FGB: variants seen among roughly 807,000 people sequenced by gnomAD.
FGB encodes beta-fibrinogen.
Under a neutral mutation model 57.9 loss-of-function variants are expected in FGB, and 25 were observed. That is an observed-to-expected ratio of 0.43 (90% CI 0.31 to 0.60). FGB has a LOEUF of 0.60. FGB is among the 20% of genes least tolerant of loss of function. The probability of loss-of-function intolerance (pLI) is 0.08; values close to 1 mark genes in which losing one functional copy is unlikely to be tolerated. For missense variants in FGB, 536 were observed against 598.4 expected, an observed-to-expected ratio of 0.90 and a Z score of 1.09; for synonymous variants, 203 against 199.2, an observed-to-expected ratio of 1.02 and a Z score of -0.16.
Position 154,563,054 on chromosome 4 carries a change from T to A in FGB, c.36T>A (p.Leu12=), listed in dbSNP as rs376146726. ...KRMVSWSFHK[L]KTMKHLLLLL... is the part of the protein sequence containing the mutation. The stretch of plus-strand genomic sequence containing the variant: ...TGGTTTCTTGGAGCTTCCACAAACT[T>A]AAAACCATGAAACATCTATTATTGC... The change falls in exon 1 of 8, where the codon CTT becomes CTA. Residue 12 remains leucine (L), a synonymous_variant. Coordinates refer to ENST00000302068, the MANE Select transcript of FGB (RefSeq NM_005141.5). 1.8e-5 allele frequency: 28 copies of A among 1,571,288 alleles called. No individual in the cohort carries two copies. The East Asian group carries it at 3.0e-4, about 17-fold the overall frequency.
chr4:154,567,380 T>C (rs1255208004), intron 3 of FGB, among the ~76,000 whole-genome samples: 1 of 152,212 alleles, frequency 6.6e-6, no homozygotes, highest in Non-Finnish European at 1.5e-5. Context: ...CGTATACCTA[T>C]GGTAAATTAC....
Position 154,569,799 on chromosome 4 carries a change from G to T in FGB, c.1244G>T (p.Trp415Leu), listed in dbSNP as rs1271695145. Residue 415 changes from tryptophan to leucine, a missense_variant and splice_region_variant, in exon 7 of 8, where the codon TGG becomes TTG. Coordinates refer to ENST00000302068, the MANE Select transcript of FGB (RefSeq NM_005141.5). ...FSTYDRDNDG[W>L]LTSDPRKQCS... ...ACGTATGACAGAGACAATGACGGCT[G>T]GTATGTGTGGCACTCTTTGCTCCTG... is the stretch of plus-strand genomic sequence containing the variant. 2 of 1,613,922 alleles carry T rather than the reference G, an allele frequency of 1.2e-6. No homozygotes were observed. The highest frequency in any genetic ancestry group is 1.6e-4 in the Middle Eastern group (1 of 6,082).
rs909640179 is a variant in FGB, at chr4:154,569,547, AG to A, written c.993del (p.Gln331HisfsTer11). On this transcript the variant is annotated frameshift_variant, in exon 7 of 8. Coordinates refer to ENST00000302068, the MANE Select transcript of FGB (RefSeq NM_005141.5). LOFTEE classifies it high-confidence loss of function. ...EYWLGNDKIS[Q>X]LTRMGPTELL... ...TGGCTTGGAAATGATAAAATTAGCC[AG>A]CTTACCAGGATGGGACCCACAGAAC... is the stretch of plus-strand genomic sequence containing the variant. The A allele has an allele frequency of 2.5e-6, 4 of 1,613,406 alleles. No individual in the cohort carries two copies. The highest frequency in any genetic ancestry group is 2.7e-5 in the African/African-American group (2 of 74,888).
rs1031234926 is a variant in FGB at position 154,570,759 on chromosome 4, G to A, written c.*109G>A. ...ATTCCTCTAAAACTCTCAAGCAGAC[G>A]TGAGTGTGACTTTTTGAAAAAAGTA... On this transcript the variant is annotated 3_prime_UTR_variant, in exon 8 of 8. Transcript: ENST00000302068. 4.1e-5 allele frequency: 34 copies of A among 838,790 alleles called. No individual in the cohort carries two copies. Among genetic ancestry groups the A allele is most frequent in the Non-Finnish European group, 6.1e-5 (30 of 495,378 alleles). The allele number at this position is 838,790 out of a possible 1,614,324, so 52.0% of individuals were successfully genotyped here.
At chr4:154,568,544 C>T (rs371984836) in intron 5 of FGB, 50 bp downstream of exon 5, 180 of 1,034,046 alleles carry the variant, frequency 1.7e-4, no homozygotes, top group Non-Finnish European at 2.4e-4. Context: ...ATTTGGATAC[C>T]GTAAAATGCC....
chr4:154,566,140 C>T lies in FGB; in HGVS notation c.306+141C>T, dbSNP rs1002845632. The T allele has an allele frequency of 4.7e-6, 4 of 849,874 alleles. No homozygotes were observed. In the African/African-American group the frequency reaches 5.1e-5, roughly 11 times the overall value. The allele number at this position is 849,874 out of a possible 1,614,324, so 52.6% of individuals were successfully genotyped here. On this transcript the variant is annotated intron_variant, in intron 2 of 7. Transcript: ENST00000302068. ...TTTATTTTGGAAATAAAATTCAAAA[C>T]ATAAACATATTGGGCCTTTGGTTTA...
rs755412339 is a variant in FGB at position 154,566,539 on chromosome 4, G to A, written c.357G>A (p.Gln119=). Residue 119 remains glutamine (Q), a synonymous_variant, in exon 3 of 8, where the codon CAG becomes CAA. Coordinates refer to ENST00000302068, the MANE Select transcript of FGB (RefSeq NM_005141.5). ...AGTTGCAAGAGGCTTTGCTACAACA[G>A]GAAAGGCCAATCAGAAATAGTGTTG... ...GCQLQEALLQ[Q]ERPIRNSVDE... is the part of the protein sequence containing the mutation. 3 of 1,614,110 alleles carry A rather than the reference G, an allele frequency of 1.9e-6. No homozygotes were observed. Among genetic ancestry groups the A allele is most frequent in the South Asian group, 1.1e-5 (1 of 91,080 alleles).
chr4:154,571,484 A>AT lies in FGB; in HGVS notation c.*834_*835insT, dbSNP rs1730424265. ...ACTCCACCTCAAAAAAAAAAAAAAA[A>AT]GAATCTGACTATATACCATGGAAAA... On this transcript the variant is annotated 3_prime_UTR_variant, in exon 8 of 8. Coordinates refer to ENST00000302068, the MANE Select transcript of FGB (RefSeq NM_005141.5). Among the ~76,000 whole-genome samples, 1 of 150,606 alleles carries AT rather than the reference A, an allele frequency of 6.6e-6. No homozygotes were observed. The highest frequency in any genetic ancestry group is 2.4e-5 in the African/African-American group (1 of 41,226).
intron 5 of FGB, 126 bp downstream of exon 5, chr4:154,568,620 C>A: frequency 1.5e-6 from 1 of 674,968 alleles, no homozygotes; most frequent in Admixed American, 2.0e-5. Flanking sequence ...CCAAAGTGGG[C>A]TGATAGCTTG....
Position 154,571,012 on chromosome 4 carries a change from T to C in FGB, c.*362T>C, listed in dbSNP as rs747930205. 9.1e-6 allele frequency: 3 copies of C among 330,628 alleles called. No individual in the cohort carries two copies. Among genetic ancestry groups the C allele is most frequent in the South Asian group, 8.0e-5 (3 of 37,676 alleles). The allele number at this position is 330,628 out of a possible 1,614,324, so 20.5% of individuals were successfully genotyped here. ...GTTTAAAAGTCCACTTTTAAAACTATATTTATTTATGTAGGATCTGTCAAA... is the reference window on the plus strand; with the variant it reads ...GTTTAAAAGTCCACTTTTAAAACTACATTTATTTATGTAGGATCTGTCAAA... On this transcript the variant is annotated 3_prime_UTR_variant, in exon 8 of 8. Transcript: ENST00000302068.
chr4:154,568,455 C>T lies in FGB; in HGVS notation c.793C>T (p.Pro265Ser), dbSNP rs1403792502. Residue 265 changes from proline to serine, a missense_variant, in exon 5 of 8, where the codon CCG becomes TCG. Around this residue, in one of 3 missense-constraint regions of FGB, gnomAD observed 354 missense variants for 383.4 expected, o/e 0.92. Coordinates refer to ENST00000302068, the MANE Select transcript of FGB (RefSeq NM_005141.5). ...YLIQPDSSVKPYRVYCDMNTE... is the reference protein window; with the variant it reads ...YLIQPDSSVKSYRVYCDMNTE... ...CATTCAACCTGACAGTTCTGTCAAACCGTATAGAGTATACTGTGACATGAA... is the reference window on the plus strand; with the variant it reads ...CATTCAACCTGACAGTTCTGTCAAATCGTATAGAGTATACTGTGACATGAA... 1 of 1,602,168 alleles carries T rather than the reference C, an allele frequency of 6.2e-7. No individual in the cohort carries two copies. Among genetic ancestry groups the T allele is most frequent in the Admixed American group, 1.7e-5 (1 of 60,002 alleles).
chr4:154,566,696 T>C lies in FGB; in HGVS notation c.490+24T>C, dbSNP rs778269805. The C allele has an allele frequency of 1.9e-6, 3 of 1,610,814 alleles. No individual in the cohort carries two copies. The East Asian group carries it at 6.7e-5, about 36-fold the overall frequency. ...AGGTAGATATCCTTGTGCTTTCCAT[T>C]CGATTTTCAGCTATAAAATTGGAAC... On this transcript the variant is annotated intron_variant, in intron 3 of 7. Transcript: ENST00000302068.
intron 1 of FGB, among the ~76,000 whole-genome samples, chr4:154,564,912 A>G (rs1288979982): frequency 6.6e-6 from 1 of 152,252 alleles, no homozygotes; most frequent in Non-Finnish European, 1.5e-5. Flanking sequence ...TAAATATAAG[A>G]AAATCATAAT....
chr4:154,566,343 A>G, intron 2 of FGB, 146 bp from the exon 3 acceptor site: 1 of 742,988 alleles, frequency 1.3e-6, no homozygotes, highest in Non-Finnish European at 2.3e-6. Context: ...TATGATGATG[A>G]CTTTCGAATT....
chr4:154,566,330 G>A (rs1307721564), intron 2 of FGB, among the ~76,000 whole-genome samples, 159 bp from the exon 3 acceptor site: 1 of 152,138 alleles, frequency 6.6e-6, no homozygotes, highest in Non-Finnish European at 1.5e-5. Context: ...ATCTCTATGA[G>A]AGTATGATGA....
rs1380028968 is a variant in FGB at position 154,571,361 on chromosome 4, C to T, written c.*711C>T. 4.6e-5 allele frequency among the ~76,000 whole-genome samples: 7 copies of T among 151,398 alleles called. No homozygotes were observed. Among genetic ancestry groups the T allele is most frequent in the East Asian group, 2.0e-4 (1 of 5,128 alleles). ...ACTAAAAATACAAAAATTAGCCAGG[C>T]GTGGTGGCAGGTGCCTGTAGTCCCA... On this transcript the variant is annotated 3_prime_UTR_variant, in exon 8 of 8. Coordinates refer to ENST00000302068, the MANE Select transcript of FGB (RefSeq NM_005141.5).
chr4:154,565,833 G>C lies in FGB; in HGVS notation c.140G>C (p.Arg47Pro). Residue 47 changes from arginine to proline, a missense_variant, in exon 2 of 8, where the codon CGA becomes CCA. Physicochemically the swap from Arg to Pro is moderately radical, Grantham distance 103 (BLOSUM62 -2). Coordinates refer to ENST00000302068, the MANE Select transcript of FGB (RefSeq NM_005141.5). ...EEGFFSARGH[R>P]PLDKKREEAP... is the part of the protein sequence containing the mutation. ...GGTTTCTTCAGTGCCCGTGGTCATC[G>C]ACCCCTTGACAAGAAGAGAGAAGAG... 1 of 1,614,014 alleles carries C rather than the reference G, an allele frequency of 6.2e-7. No individual in the cohort carries two copies. The highest frequency in any genetic ancestry group is 8.5e-7 in the Non-Finnish European group (1 of 1,179,988).
At chr4:154,565,622 G>A in intron 1 of FGB, 186 bp from the exon 2 acceptor site, 1 of 612,388 alleles carries the variant, frequency 1.6e-6, no homozygotes, top group Non-Finnish European at 2.9e-6. Context: ...TTGTGCAGTT[G>A]GTCTTTCTAC....
Position 154,565,764 on chromosome 4 carries a change from C to A in FGB, c.115-44C>A, listed in dbSNP as rs765435293. ...GTGTTGGAATAGTTACATTCCAAATCTTCTATAACACTCTGTATTATATTT... is the reference window on the plus strand; with the variant it reads ...GTGTTGGAATAGTTACATTCCAAATATTCTATAACACTCTGTATTATATTT... On this transcript the variant is annotated intron_variant, in intron 1 of 7. Transcript: ENST00000302068. 6.4e-6 allele frequency: 10 copies of A among 1,567,060 alleles called. No homozygotes were observed. In the South Asian group the frequency reaches 1.0e-4, roughly 16 times the overall value.
Sources: gnomAD v4.1 joint callset for allele counts (sites outside exome capture counted in the v4.1 genomes callset) on GRCh38, gnomAD v4.1.1 for gene constraint, gnomAD v4.1.1 regional missense constraint, MANE v1.5 for transcripts, NCBI Gene and HGNC (gene_info 2026-07-23, HGNC 2026-07-21) for gene names.